Variants in AP3B1 observed in about 807,000 individuals in gnomAD.
The protein encoded by AP3B1 is AP-3 complex subunit beta-1.
Under a neutral mutation model 132.5 loss-of-function variants are expected in AP3B1, and 61 were observed. The observed-to-expected ratio is 0.46, with a 90% CI of 0.37 to 0.57. The LOEUF is 0.57. Ranked by LOEUF, AP3B1 falls within the 20% of genes least tolerant of loss-of-function variation. The pLI is 0.00. For missense variants in AP3B1, 1,120 were observed against 1,289.4 expected (o/e 0.87, Z 2.01); for synonymous variants, 388 against 438.3 (o/e 0.89, Z 1.43).
In AP3B1 at chr5:78,285,054, C is replaced by T. The variant is rs1406654610; in HGVS notation, c.128+9398G>A. ...TGAGGTCAGGAGATGGAGACCATCC[C>T]GGCTAACACGGTGAAACCCCGTCTC... On this transcript the variant is annotated intron_variant, in intron 1 of 26. Coordinates refer to ENST00000255194, the MANE Select transcript of AP3B1 (RefSeq NM_003664.5). Among the ~76,000 whole-genome samples, 9 of 152,124 alleles carry T rather than the reference C, an allele frequency of 5.9e-5. No individual in the cohort carries two copies. The South Asian group carries it at 8.3e-4, about 14-fold the overall frequency.
chr5:78,084,566 G>GAGGAAA (rs1443054615), intron 22 of AP3B1, among the ~76,000 whole-genome samples: 1 of 132,652 alleles, frequency 7.5e-6, no homozygotes, highest in East Asian at 2.1e-4. Context: ...AGAAAAGGAA[G>GAGGAAA]AGGAAAAGGA....
chr5:78,201,229 C>T lies in AP3B1; in HGVS notation c.786+14826G>A, dbSNP rs78159279. 1.8e-3 allele frequency among the ~76,000 whole-genome samples: 278 copies of T among 152,290 alleles called. 11 individuals are homozygous for T. The East Asian group carries it at 0.039, about 21-fold the overall frequency. Reference sequence around the variant, plus strand: ...GCAAACTAAAACAATAATACAACTACTTTGGGAAAAAGACTGACAGGTTCT... The same window carrying T: ...GCAAACTAAAACAATAATACAACTATTTTGGGAAAAAGACTGACAGGTTCT... On this transcript the variant is annotated intron_variant, in intron 7 of 26. Transcript: ENST00000255194.
chr5:78,141,414 C>T (rs1195059976), intron 14 of AP3B1, 95 bp from the exon 15 acceptor site: 3 of 929,780 alleles, frequency 3.2e-6, no homozygotes, highest in Admixed American at 2.5e-5. Context: ...AGTTTTACAG[C>T]TATTAATTAA....
chr5:78,282,598 A>T (rs961251550), intron 1 of AP3B1, among the ~76,000 whole-genome samples: 7 of 152,200 alleles, frequency 4.6e-5, no homozygotes, highest in African/African-American at 1.7e-4. Context: ...CACTTGTGAA[A>T]TATAATTCAG....
chr5:78,206,689 A>G (rs1157235415), intron 7 of AP3B1, among the ~76,000 whole-genome samples: 2 of 152,238 alleles, frequency 1.3e-5, no homozygotes, highest in African/African-American at 4.8e-5. Flanking sequence ...ATTCAAACTG[A>G]GTAAGTAAAC....
chr5:78,069,785 A>G (rs184360537), intron 22 of AP3B1, among the ~76,000 whole-genome samples: 67 of 152,360 alleles, frequency 4.4e-4, no homozygotes, highest in African/African-American at 1.6e-3. Flanking sequence ...AAGAGCCCGT[A>G]TAGCCAAGAC....
intron 7 of AP3B1, among the ~76,000 whole-genome samples, chr5:78,198,142 A>G (rs1380355420): frequency 1.3e-5 from 2 of 152,204 alleles, no homozygotes; most frequent in Non-Finnish European, 2.9e-5. Flanking sequence ...GACACTGAAT[A>G]TACCCACTTG....
At chr5:78,169,708 A>T (rs947739190) in intron 11 of AP3B1, among the ~76,000 whole-genome samples, 4 of 151,888 alleles carry the variant, frequency 2.6e-5, no homozygotes, top group Non-Finnish European at 4.4e-5. Flanking sequence ...CAATACAGGC[A>T]TGAGCCACTG....
intron 22 of AP3B1, among the ~76,000 whole-genome samples, chr5:78,080,623 A>ATTTTTTTTTTTTTTT (rs66609184): frequency 9.7e-6 from 1 of 103,528 alleles, no homozygotes; most frequent in African/African-American, 3.8e-5. Flanking sequence ...TATGCCTCCA[A>ATTTTTTTTTTTTTTT]TTTTTTTTTT....
intron 22 of AP3B1, among the ~76,000 whole-genome samples, chr5:78,078,094 T>C (rs1035987782): frequency 6.6e-6 from 1 of 152,220 alleles, no homozygotes; most frequent in African/African-American, 2.4e-5. Flanking sequence ...TTCTAATTAG[T>C]TGGCCCTAAT....
intron 13 of AP3B1, among the ~76,000 whole-genome samples, chr5:78,162,404 A>G (rs966454826): frequency 2.6e-5 from 4 of 152,180 alleles, no homozygotes; most frequent in Admixed American, 2.0e-4. Context: ...GTATACAGTT[A>G]ACATATTTTT....
At chr5:78,014,055 C>T (rs998710775) in intron 26 of AP3B1, among the ~76,000 whole-genome samples, 1 of 152,014 alleles carries the variant, frequency 6.6e-6, no homozygotes, top group African/African-American at 2.4e-5. Context: ...CCCAGCCACT[C>T]GGGAGGCTGA....
intron 7 of AP3B1, among the ~76,000 whole-genome samples, chr5:78,193,770 A>ATATT: frequency 3.6e-4 from 24 of 67,214 alleles, no homozygotes; most frequent in African/African-American, 1.1e-3. Flanking sequence ...ATATATATAT[A>ATATT]TTTTTTTTTT....
At chr5:78,141,379 T>A (rs1469812283) in intron 14 of AP3B1, 60 bp from the exon 15 acceptor site, 4 of 1,394,260 alleles carry the variant, frequency 2.9e-6, no homozygotes, top group Admixed American at 3.6e-5. Context: ...AATATTAACA[T>A]AGAAAAGGTT....
chr5:78,160,548 C>T (rs560251191), intron 13 of AP3B1, among the ~76,000 whole-genome samples: 2 of 152,058 alleles, frequency 1.3e-5, no homozygotes, highest in South Asian at 4.2e-4. Flanking sequence ...ATATATTAAA[C>T]ATATTTAAAA....
At chr5:78,189,413 C>T (rs1294386890) in intron 7 of AP3B1, among the ~76,000 whole-genome samples, 1 of 152,016 alleles carries the variant, frequency 6.6e-6, no homozygotes, top group Non-Finnish European at 1.5e-5. Flanking sequence ...ACTTGCACTA[C>T]TGTATTTCTT....
chr5:78,003,505 T>C (rs1215244332), intron 26 of AP3B1: 5 of 744,992 alleles, frequency 6.7e-6, no homozygotes, highest in Non-Finnish European at 8.2e-6. Flanking sequence ...CTGAAAATGA[T>C]TATGTAATAA....
chr5:78,255,511 A>G (rs1369746338), intron 2 of AP3B1, among the ~76,000 whole-genome samples: 4 of 152,156 alleles, frequency 2.6e-5, no homozygotes, highest in Non-Finnish European at 5.9e-5. Context: ...GAAGGTCACT[A>G]TATGATAAAG....
At position 78,175,092 on chromosome 5, in the gene AP3B1, TGA is replaced by T. The variant is rs527991311; in HGVS notation, c.1167+532_1167+533del. Among the ~76,000 whole-genome samples, 145 of 152,342 alleles carry T rather than the reference TGA, an allele frequency of 9.5e-4. 1 individual carries two copies. Among genetic ancestry groups the T allele is most frequent in the African/African-American group, 2.5e-3 (106 of 41,578 alleles). ...ACCTTGGGAAAGCGCAGTTTTTGGG[TGA>T]GAGTGTCCCGTTTTTCCAGGTACAG... On this transcript the variant is annotated intron_variant, in intron 11 of 26. Coordinates refer to ENST00000255194, the MANE Select transcript of AP3B1 (RefSeq NM_003664.5).
Sources: allele counts gnomAD v4.1 joint callset (sites outside exome capture counted in the v4.1 genomes callset), GRCh38; gene constraint gnomAD v4.1.1; transcripts MANE v1.5; gene names NCBI Gene and HGNC (gene_info 2026-07-23, HGNC 2026-07-21).